The following SUPT3H variants were observed in gnomAD, a reference collection of about 807,000 sequenced individuals.
SUPT3H encodes the protein transcription initiation protein SPT3 homolog.
A neutral mutation model predicts 44.3 loss-of-function variants in SUPT3H; 44 were observed. That is an observed-to-expected ratio of 0.99 (90% CI 0.78 to 1.28). The LOEUF (loss-of-function observed/expected upper bound fraction) is 1.28, where lower values mean the gene tolerates loss of function less well. Among genes scored for constraint, SUPT3H ranks in the 50% most tolerant of loss-of-function variants. The pLI, the probability that SUPT3H is intolerant of heterozygous loss-of-function variation, is 0.00. For missense variants in SUPT3H, 380 were observed against 387.1 expected (o/e 0.98, Z 0.15); for synonymous variants, 124 against 125.6 (o/e 0.99, Z 0.09).
At chr6:45,334,386 T>G in intron 2 of SUPT3H, among the ~76,000 whole-genome samples, 1 of 149,332 alleles carries the variant, frequency 6.7e-6, no homozygotes, top group South Asian at 2.1e-4. Context: ...ACCATACCAT[T>G]ATTTACATAT....
intron 2 of SUPT3H, among the ~76,000 whole-genome samples, chr6:45,156,258 C>G (rs960878525): frequency 6.6e-6 from 1 of 152,148 alleles, no homozygotes; most frequent in Non-Finnish European, 1.5e-5. Context: ...ACATCCTAAG[C>G]CACAGAATAC....
At chr6:45,293,343 T>A (rs6908280) in intron 2 of SUPT3H, among the ~76,000 whole-genome samples, 147,790 of 152,264 alleles carry the variant, frequency 0.97, 71,748 homozygotes, top group East Asian at 1. Flanking sequence ...AGGCAGTGCT[T>A]AGAGGAAAGC....
At chr6:45,287,715 C>T (rs1166039380) in intron 2 of SUPT3H, among the ~76,000 whole-genome samples, 1 of 152,108 alleles carries the variant, frequency 6.6e-6, no homozygotes, top group East Asian at 1.9e-4. Context: ...TGTCAAGGTA[C>T]TTAATGCCAA....
chr6:44,816,413 A>G (rs1006106548), intron 11 of SUPT3H, among the ~76,000 whole-genome samples: 4 of 152,236 alleles, frequency 2.6e-5, no homozygotes, highest in Admixed American at 1.3e-4. Context: ...AACTCTCTCA[A>G]GAAGAAATAG....
intron 3 of SUPT3H, among the ~76,000 whole-genome samples, chr6:45,103,315 C>A (rs895705028): frequency 6.6e-6 from 1 of 152,106 alleles, no homozygotes; most frequent in Non-Finnish European, 1.5e-5. Context: ...GAGAGGTAAG[C>A]ATCTACTGTA....
chr6:44,890,031 G>C (rs1329173321), intron 10 of SUPT3H, among the ~76,000 whole-genome samples: 1 of 151,550 alleles, frequency 6.6e-6, no homozygotes, highest in East Asian at 1.9e-4. Flanking sequence ...CTGGCCATCA[G>C]AGAAATGCAA....
chr6:45,119,443 A>T (rs1801292920), intron 2 of SUPT3H, among the ~76,000 whole-genome samples: 1 of 152,188 alleles, frequency 6.6e-6, no homozygotes, highest in Non-Finnish European at 1.5e-5. Flanking sequence ...TTCCACTATT[A>T]TCTCAGACCA....
chr6:45,033,344 T>TA, intron 3 of SUPT3H, among the ~76,000 whole-genome samples: 1 of 152,136 alleles, frequency 6.6e-6, no homozygotes, highest in Non-Finnish European at 1.5e-5. Flanking sequence ...TATTTTTAGT[T>TA]AAACACTGGT....
intron 3 of SUPT3H, chr6:45,097,350 G>A (rs1797929408): frequency 6.6e-6 from 1 of 152,198 alleles, no homozygotes; most frequent in South Asian, 2.1e-4. Flanking sequence ...TGGCTTCCCA[G>A]AAACTCTAGA....
chr6:44,995,083 C>T (rs1240716151), intron 6 of SUPT3H, among the ~76,000 whole-genome samples: 2 of 151,810 alleles, frequency 1.3e-5, no homozygotes, highest in Non-Finnish European at 2.9e-5. Flanking sequence ...TAATATTATA[C>T]CTATACATCT....
chr6:45,061,035 T>C (rs1011744937), intron 3 of SUPT3H, among the ~76,000 whole-genome samples: 3 of 152,170 alleles, frequency 2.0e-5, no homozygotes, highest in Non-Finnish European at 2.9e-5. Flanking sequence ...GAAGACAGCA[T>C]GGCAATTCCT....
At chr6:45,114,622 A>G (rs1010024913) in intron 2 of SUPT3H, among the ~76,000 whole-genome samples, 4 of 152,220 alleles carry the variant, frequency 2.6e-5, no homozygotes, top group Admixed American at 2.6e-4. Context: ...TTACAAAACT[A>G]GCAGAATATC....
chr6:45,047,638 ATCTATTT>A, intron 3 of SUPT3H, among the ~76,000 whole-genome samples: 1 of 152,248 alleles, frequency 6.6e-6, no homozygotes, highest in East Asian at 1.9e-4. Context: ...GATAAGAATA[ATCTATTT>A]TTAATTTTTT....
intron 2 of SUPT3H, among the ~76,000 whole-genome samples, chr6:45,343,131 C>A (rs550045764): frequency 8.1e-4 from 123 of 152,268 alleles, no homozygotes; most frequent in Middle Eastern, 3.4e-3. Context: ...ACTTTCCAAA[C>A]CTTAAATCAT....
At chr6:44,896,344 C>T (rs1019411616) in intron 10 of SUPT3H, among the ~76,000 whole-genome samples, 5 of 152,092 alleles carry the variant, frequency 3.3e-5, no homozygotes, top group African/African-American at 9.7e-5. Flanking sequence ...CTAAATACAT[C>T]GCAAGTAATG....
chr6:45,150,716 C>A (rs937710146), intron 2 of SUPT3H, among the ~76,000 whole-genome samples: 10 of 128,190 alleles, frequency 7.8e-5, no homozygotes, highest in Non-Finnish European at 1.6e-4. Flanking sequence ...AATCTTTATT[C>A]TGCGTTTTTT....
At chr6:45,051,640 C>T (rs959579131) in intron 3 of SUPT3H, among the ~76,000 whole-genome samples, 1 of 152,032 alleles carries the variant, frequency 6.6e-6, no homozygotes, top group South Asian at 2.1e-4. Context: ...TTGTATTTAT[C>T]TCTAGCAATA....
At position 45,322,956 on chromosome 6, in the gene SUPT3H, G is replaced by A. The variant is rs1207017451; in HGVS notation, c.101+42245C>T. On this transcript the variant is annotated intron_variant, in intron 2 of 10. Coordinates refer to ENST00000371459, the MANE Select transcript of SUPT3H (RefSeq NM_003599.4). ...AAGCCACAGTGCTACAGCTGTTATT[G>A]ATAAGCAGTTTCTAAAGGAGAAAAA... 6.2e-6 allele frequency: 10 copies of A among 1,606,486 alleles called. No individual in the cohort carries two copies. In the African/African-American group the frequency reaches 8.1e-5, roughly 13 times the overall value.
intron 3 of SUPT3H, among the ~76,000 whole-genome samples, chr6:45,023,029 T>G (rs1370609218): frequency 6.6e-6 from 1 of 152,100 alleles, no homozygotes; most frequent in Admixed American, 6.6e-5. Flanking sequence ...AATTTTTGCC[T>G]ACTACCAGAA....
Sources: allele counts gnomAD v4.1 joint callset (sites outside exome capture counted in the v4.1 genomes callset), GRCh38; gene constraint gnomAD v4.1.1; transcripts MANE v1.5; gene names NCBI Gene and HGNC (gene_info 2026-07-23, HGNC 2026-07-21).